Variants in AKAP9 observed in about 807,000 individuals in gnomAD.
The protein encoded by AKAP9 is A-kinase anchoring protein 9, also known as A-kinase anchor protein 9.
AKAP9 carries 311 observed loss-of-function variants against 488.5 expected under a neutral mutation model. The observed-to-expected ratio is 0.64, with a 90% CI of 0.58 to 0.70. AKAP9 has a LOEUF of 0.70. AKAP9 is among the 30% of genes least tolerant of loss of function. AKAP9 has a pLI of 0.00. For synonymous variants in AKAP9, 1,462 were observed against 1,483.5 expected, an observed-to-expected ratio of 0.99 and a Z score of 0.33; for missense variants, 4,215 against 4,374.5, an observed-to-expected ratio of 0.96 and a Z score of 1.03.
chr7:92,093,889 C>T lies in AKAP9; in HGVS notation c.9578+573C>T, dbSNP rs186389485. 2.3e-3 allele frequency among the ~76,000 whole-genome samples: 347 copies of T among 151,898 alleles called. 1 individual carries two copies. The highest frequency in any genetic ancestry group is 7.8e-3 in the African/African-American group (325 of 41,426). On this transcript the variant is annotated intron_variant, in intron 39 of 49. Transcript: ENST00000356239. The stretch of plus-strand genomic sequence containing the variant: ...GTTTTGAGATGGAATCTCGCTCTGT[C>T]GCCCAGACTGGAGTGCAATGGCATG...
At chr7:92,105,885 T>A (rs1584594510) in intron 47 of AKAP9, 122 bp downstream of exon 47, 1 of 874,618 alleles carries the variant, frequency 1.1e-6, no homozygotes, top group Non-Finnish European at 1.9e-6. Context: ...CAGCAGCAGG[T>A]GAGCAGCGGG....
intron 24 of AKAP9, among the ~76,000 whole-genome samples, chr7:92,063,000 A>AT (rs1290015376): frequency 6.6e-6 from 1 of 152,096 alleles, no homozygotes; most frequent in African/African-American, 2.4e-5. Context: ...GTAACCTTTC[A>AT]TTTTTCCTTA....
In AKAP9 at chr7:91,975,922, TTTG is replaced by T. The variant is rs762435834; in HGVS notation, c.306+1957_306+1959del. 5.0e-4 allele frequency among the ~76,000 whole-genome samples: 57 copies of T among 113,566 alleles called. 7 individuals are homozygous for T. Among genetic ancestry groups the T allele is most frequent in the Middle Eastern group, 4.2e-3 (1 of 236 alleles). The allele number at this position is 113,566 out of a possible 152,430, so 74.5% of individuals were successfully genotyped here. A position where few individuals can be genotyped will look rare whatever the true frequency, so the allele number is the denominator to read the frequency against. On this transcript the variant is annotated intron_variant, in intron 2 of 49. Coordinates refer to ENST00000356239, the MANE Select transcript of AKAP9 (RefSeq NM_005751.5). Reference sequence around the variant, plus strand: ...TATTGGTTTGTTTTTTGTTTGTTTGTTTGTTTTTTTTTTTTTTGAGACAAAGTC... The same window carrying T: ...TATTGGTTTGTTTTTTGTTTGTTTGTTTTTTTTTTTTTTTGAGACAAAGTC...
At chr7:92,059,081 T>C (rs1253431375) in intron 22 of AKAP9, among the ~76,000 whole-genome samples, 1 of 151,982 alleles carries the variant, frequency 6.6e-6, no homozygotes, top group African/African-American at 2.4e-5. Context: ...CTTTCATAGC[T>C]TTATCCTGTA....
chr7:91,992,152 A>T lies in AKAP9; in HGVS notation c.352-6A>T. ...CATAATATATCAGGAAATTGTTTTTATACAGGTAAATGGTTGCAGTTTTGT... is the reference window on the plus strand; with the variant it reads ...CATAATATATCAGGAAATTGTTTTTTTACAGGTAAATGGTTGCAGTTTTGT... On this transcript the variant is annotated splice_polypyrimidine_tract_variant and splice_region_variant and intron_variant, in intron 3 of 49. Coordinates refer to ENST00000356239, the MANE Select transcript of AKAP9 (RefSeq NM_005751.5). 2 of 1,604,698 alleles carry T rather than the reference A, an allele frequency of 1.2e-6. No individual in the cohort carries two copies. Among genetic ancestry groups the T allele is most frequent in the Non-Finnish European group, 1.7e-6 (2 of 1,171,540 alleles).
intron 1 of AKAP9, among the ~76,000 whole-genome samples, chr7:91,959,477 A>T (rs1475100921): frequency 2.2e-5 from 3 of 135,250 alleles, no homozygotes; most frequent in Non-Finnish European, 3.2e-5. Flanking sequence ...AAAAAAAAAA[A>T]TTTACTTTTT....
intron 21 of AKAP9, among the ~76,000 whole-genome samples, chr7:92,050,108 A>G (rs1807701875): frequency 7.0e-6 from 1 of 142,714 alleles, no homozygotes; most frequent in South Asian, 2.2e-4. Context: ...TCTATCGCCC[A>G]GGCGGGAGTG....
At chr7:91,974,243 A>C (rs1382219327) in intron 2 of AKAP9, among the ~76,000 whole-genome samples, 3 of 152,202 alleles carry the variant, frequency 2.0e-5, no homozygotes, top group Non-Finnish European at 4.4e-5. Context: ...CCCTTTAGGA[A>C]AATTATTCTA....
chr7:91,978,875 G>C (rs566202619), intron 2 of AKAP9, among the ~76,000 whole-genome samples: 1 of 150,448 alleles, frequency 6.6e-6, no homozygotes, highest in Admixed American at 6.6e-5. Context: ...TCCTGCCTCA[G>C]CCTCTCAGGT....
chr7:92,037,084 A>G (rs2130773124), intron 16 of AKAP9, among the ~76,000 whole-genome samples: 1 of 152,306 alleles, frequency 6.6e-6, no homozygotes, highest in South Asian at 2.1e-4. Context: ...GTGACCTTTG[A>G]TGTGGTTCCT....
At chr7:92,068,591 C>T (rs1189773249) in intron 26 of AKAP9, among the ~76,000 whole-genome samples, 5 of 151,660 alleles carry the variant, frequency 3.3e-5, no homozygotes, top group Non-Finnish European at 4.4e-5. Context: ...CAAAGATGTG[C>T]ATGTTTGATT....
At chr7:92,054,569 C>G (rs1808475428) in intron 22 of AKAP9, among the ~76,000 whole-genome samples, 1 of 152,030 alleles carries the variant, frequency 6.6e-6, no homozygotes, top group African/African-American at 2.4e-5. Context: ...GAGTTATTCA[C>G]TGGCAAAATT....
intron 22 of AKAP9, among the ~76,000 whole-genome samples, chr7:92,056,772 GT>G (rs1332682646): frequency 2.0e-5 from 3 of 151,866 alleles, no homozygotes; most frequent in African/African-American, 7.2e-5. Flanking sequence ...CAACTTTATA[GT>G]GTGAGTAGCT....
rs765072980 is a variant in AKAP9, at chr7:92,085,519, G to C, written c.8857G>C (p.Glu2953Gln). The stretch of plus-strand genomic sequence containing the variant: ...GGGATTACTGAGAGCTGTCCATAAT[G>C]AAGGCATGCAGGTGCTTTCTCTCAC... ...IKGLLRAVHN[E>Q]GMQVLSLTES... Residue 2953 changes from glutamate (E) to glutamine (Q), a missense_variant, in exon 36 of 50, where the codon GAA becomes CAA. Glu to Gln is a conservative substitution (Grantham distance 29, BLOSUM62 2). This residue lies in a region of AKAP9 where 1,476 missense variants were observed against 1,477.4 expected (regional missense o/e 1.00). Coordinates refer to ENST00000356239, the MANE Select transcript of AKAP9 (RefSeq NM_005751.5). 6 of 1,613,968 alleles carry C rather than the reference G, an allele frequency of 3.7e-6. No homozygotes were observed. The highest frequency in any genetic ancestry group is 5.1e-6 in the Non-Finnish European group (6 of 1,180,002).
At chr7:92,038,845 A>T in intron 17 of AKAP9, 73 bp downstream of exon 17, 1 of 1,000,532 alleles carries the variant, frequency 1.0e-6, no homozygotes, top group South Asian at 1.5e-5. Context: ...AATATTAGCA[A>T]TAGTGCTGCT....
Position 92,079,095 on chromosome 7 carries a change from A to G in AKAP9, c.6962A>G (p.Asn2321Ser), listed in dbSNP as rs758163003. 16 of 1,606,068 alleles carry G rather than the reference A, an allele frequency of 1.0e-5. No individual in the cohort carries two copies. The highest frequency in any genetic ancestry group is 1.3e-5 in the Non-Finnish European group (15 of 1,176,888). The change falls in exon 31 of 50, where the codon AAT becomes AGT. Residue 2321 changes from asparagine to serine, a missense_variant. Asn to Ser is a conservative substitution (Grantham distance 46). This residue lies in a region of AKAP9 where 1,476 missense variants were observed against 1,477.4 expected (regional missense o/e 1.00). Transcript: ENST00000356239. The part of the protein sequence containing the change: ...TTDNKVIEEK[N>S]ELIRDLETQI... ...AATTATTAGGTTATTGAAGAAAAAA[A>G]TGAACTGATAAGGGATCTTGAAACC... is the stretch of plus-strand genomic sequence containing the variant.
intron 40 of AKAP9, among the ~76,000 whole-genome samples, chr7:92,095,383 A>G (rs1485546905): frequency 6.6e-6 from 1 of 152,170 alleles, no homozygotes; most frequent in Non-Finnish European, 1.5e-5. Flanking sequence ...TTGTTTTGCT[A>G]CATCCAAAGA....
chr7:91,992,225 AACTACTTGTGAT>A lies in AKAP9; in HGVS notation c.405+19_405+30del. 6.3e-7 allele frequency: 1 copy of A among 1,582,130 alleles called. No individual in the cohort carries two copies. Among genetic ancestry groups the A allele is most frequent in the Non-Finnish European group, 8.7e-7 (1 of 1,150,990 alleles). On this transcript the variant is annotated intron_variant, in intron 4 of 49. Transcript: ENST00000356239. ...AATTTATTAAGGGTACAGTATTTAA[AACTACTTGTGAT>A]ACTAATGTTGGATACTATTTAAAAT...
intron 21 of AKAP9, among the ~76,000 whole-genome samples, chr7:92,050,892 T>C (rs564798525): frequency 2.0e-5 from 3 of 152,290 alleles, no homozygotes; most frequent in South Asian, 2.1e-4. Flanking sequence ...CACCTAAGAA[T>C]CATCTAAGCT....
Sources: allele counts gnomAD v4.1 joint callset (sites outside exome capture counted in the v4.1 genomes callset), GRCh38; gene constraint gnomAD v4.1.1; regional missense constraint gnomAD v4.1.1; transcripts MANE v1.5; gene names NCBI Gene and HGNC (gene_info 2026-07-23, HGNC 2026-07-21).